Variants in SLC15A5 observed in about 807,000 individuals in gnomAD.
SLC15A5 encodes solute carrier family 15 member 5, also known as Peptide/histidine transporter ENSP00000340402.
Under a neutral mutation model 56.1 loss-of-function variants are expected in SLC15A5, and 58 were observed. The ratio of observed to expected loss-of-function variants is 1.03; its 90% confidence interval spans 0.84 to 1.29. SLC15A5 has a LOEUF of 1.29. Ranked by LOEUF, SLC15A5 falls within the 50% of genes most tolerant of loss-of-function variation. The pLI is 0.00. For synonymous variants in SLC15A5, 264 were observed against 250.5 expected, an observed-to-expected ratio of 1.05 and a Z score of -0.51; for missense variants, 681 against 672.1, an observed-to-expected ratio of 1.01 and a Z score of -0.15.
intron 4 of SLC15A5, among the ~76,000 whole-genome samples, chr12:16,241,632 A>G (rs1300922840): frequency 6.6e-6 from 1 of 152,220 alleles, no homozygotes; most frequent in Admixed American, 6.5e-5. Context: ...GCCCTACTTC[A>G]ATAAAATTAT....
chr12:16,258,321 C>G (rs17368684), intron 2 of SLC15A5, among the ~76,000 whole-genome samples: 26,051 of 152,016 alleles, frequency 0.17, 2,485 homozygotes, highest in Non-Finnish European at 0.21. Context: ...TAGGAAAACA[C>G]AAATACTCAG....
At chr12:16,229,100 C>G (rs955310111) in intron 5 of SLC15A5, among the ~76,000 whole-genome samples, 2 of 152,242 alleles carry the variant, frequency 1.3e-5, no homozygotes, top group East Asian at 3.9e-4. Context: ...TGTTTCCACT[C>G]TTGTCCACCT....
chr12:16,199,830 A>G (rs1443236093), intron 7 of SLC15A5, among the ~76,000 whole-genome samples: 3 of 152,182 alleles, frequency 2.0e-5, no homozygotes, highest in Non-Finnish European at 2.9e-5. Context: ...CTGACCAAAA[A>G]TAAAACATTA....
At chr12:16,239,974 G>C (rs1056844792) in intron 4 of SLC15A5, 107 bp from the exon 5 acceptor site, 1 of 995,594 alleles carries the variant, frequency 1.0e-6, no homozygotes. Flanking sequence ...TGATGGATGA[G>C]CTGGATGTTG....
intron 8 of SLC15A5, among the ~76,000 whole-genome samples, chr12:16,193,780 G>GGAGAGAGAGAGAGAGAGAGAGA (rs766458422): frequency 1.3e-5 from 1 of 75,690 alleles, no homozygotes; most frequent in African/African-American, 5.1e-5. Context: ...TATGTCAAGG[G>GGAGAGAGAGAGAGAGAGAGAGA]GAGAGAGAGA....
chr12:16,194,524 C>T (rs770403505), intron 7 of SLC15A5, 71 bp from the exon 8 acceptor site: 24 of 1,064,358 alleles, frequency 2.3e-5, no homozygotes, highest in Non-Finnish European at 2.7e-5. Flanking sequence ...TATCATTCCA[C>T]AATTCATAGA....
chr12:16,195,222 TCTCTGTCCCTGCCTCTGC>T (rs1863882185), intron 7 of SLC15A5, among the ~76,000 whole-genome samples: 1 of 152,072 alleles, frequency 6.6e-6, no homozygotes, highest in Admixed American at 6.6e-5. Context: ...TCTGCCTCTG[TCTCTGTCCCTGCCTCTGC>T]CTCTGTCTCT....
chr12:16,206,408 A>C (rs1267187940), intron 7 of SLC15A5, among the ~76,000 whole-genome samples: 1 of 152,186 alleles, frequency 6.6e-6, no homozygotes, highest in Non-Finnish European at 1.5e-5. Context: ...TAAATGCTTC[A>C]TTTGAGATTC....
At chr12:16,215,395 T>C (rs1217356474) in intron 7 of SLC15A5, among the ~76,000 whole-genome samples, 1 of 152,156 alleles carries the variant, frequency 6.6e-6, no homozygotes, top group Non-Finnish European at 1.5e-5. Flanking sequence ...GTGATTTGAT[T>C]CTAGAAATTT....
chr12:16,199,096 A>G (rs897539217), intron 7 of SLC15A5, among the ~76,000 whole-genome samples: 1 of 151,842 alleles, frequency 6.6e-6, no homozygotes, highest in African/African-American at 2.4e-5. Flanking sequence ...ACATTATTCA[A>G]AGCAACCAAT....
At chr12:16,199,858 T>TG (rs992311262) in intron 7 of SLC15A5, among the ~76,000 whole-genome samples, 1 of 152,030 alleles carries the variant, frequency 6.6e-6, no homozygotes, top group African/African-American at 2.4e-5. Flanking sequence ...GTATGAGTTC[T>TG]GGGGGGTGCC....
chr12:16,228,599 G>A (rs1487393467), intron 5 of SLC15A5, among the ~76,000 whole-genome samples: 1 of 152,028 alleles, frequency 6.6e-6, no homozygotes, highest in Non-Finnish European at 1.5e-5. Context: ...ACTTACATGC[G>A]GGTTTTCCTC....
chr12:16,200,920 T>G (rs545958749), intron 7 of SLC15A5, among the ~76,000 whole-genome samples: 1 of 152,236 alleles, frequency 6.6e-6, no homozygotes, highest in South Asian at 2.1e-4. Flanking sequence ...TTAAACATTT[T>G]TAGATTTAAT....
chr12:16,189,947 T>A, intron 8 of SLC15A5, 132 bp from the exon 9 acceptor site: 1 of 663,440 alleles, frequency 1.5e-6, no homozygotes, highest in Non-Finnish European at 2.3e-6. Flanking sequence ...GACGATTATT[T>A]AAGAGCACTG....
Position 16,235,851 on chromosome 12 carries a change from A to G in SLC15A5, c.1162+3830T>C, listed in dbSNP as rs1591650878. Among the ~76,000 whole-genome samples the G allele has an allele frequency of 6.6e-6, 1 of 152,170 alleles. No individual in the cohort carries two copies. Among genetic ancestry groups the G allele is most frequent in the Non-Finnish European group, 1.5e-5 (1 of 67,994 alleles). On this transcript the variant is annotated intron_variant, in intron 5 of 8. Coordinates refer to ENST00000344941, the MANE Select transcript of SLC15A5 (RefSeq NM_001170798.1). This position sits in a 1 kb window ranked among gnomAD's most constrained non-coding sequence, Gnocchi z 4.1. ...CCACTTTGGTTTCAACCACAAAAAG[A>G]ACTTTATACAACTGCAAGTTATTAG...
intron 4 of SLC15A5, among the ~76,000 whole-genome samples, chr12:16,241,803 G>A (rs1277821848): frequency 9.4e-5 from 14 of 148,206 alleles, no homozygotes; most frequent in Non-Finnish European, 1.9e-4. Flanking sequence ...AGTTATTATC[G>A]GCATGAATCA....
At chr12:16,275,229 G>C (rs932918083) in intron 1 of SLC15A5, among the ~76,000 whole-genome samples, 7 of 152,036 alleles carry the variant, frequency 4.6e-5, no homozygotes, top group African/African-American at 1.7e-4. Context: ...ATGGATAAGG[G>C]ATGGAAAGAT....
intron 1 of SLC15A5, among the ~76,000 whole-genome samples, chr12:16,276,808 C>A (rs1457701464): frequency 6.6e-6 from 1 of 151,968 alleles, no homozygotes; most frequent in Admixed American, 6.6e-5. Flanking sequence ...TTACTCATTT[C>A]TAAAGCATAT....
intron 3 of SLC15A5, among the ~76,000 whole-genome samples, chr12:16,248,241 T>C (rs1200281341): frequency 6.6e-6 from 1 of 152,080 alleles, no homozygotes; most frequent in Non-Finnish European, 1.5e-5. Context: ...AAGTAGAATA[T>C]ATGCTTTTCA....
Sources: allele counts gnomAD v4.1 joint callset (sites outside exome capture counted in the v4.1 genomes callset), GRCh38; gene constraint gnomAD v4.1.1; non-coding constraint Gnocchi (gnomAD v3.1); transcripts MANE v1.5; gene names NCBI Gene and HGNC (gene_info 2026-07-23, HGNC 2026-07-21).